The following SYT14 variants were observed in gnomAD, a reference collection of about 807,000 sequenced individuals.
SYT14 encodes the protein synaptotagmin-14.
Under a neutral mutation model 74.2 loss-of-function variants are expected in SYT14, and 32 were observed. The ratio of observed to expected loss-of-function variants is 0.43; its 90% CI spans 0.33 to 0.58. The LOEUF is 0.58. SYT14 is among the 20% of genes least tolerant of loss of function. SYT14 has a pLI of 0.05. For synonymous variants in SYT14, 298 were observed against 337.7 expected (o/e 0.88, Z 1.29); for missense variants, 791 against 981.8 (o/e 0.81, Z 2.60).
intron 5 of SYT14, among the ~76,000 whole-genome samples, chr1:210,031,371 T>C (rs541637537): frequency 1.3e-5 from 2 of 152,234 alleles, no homozygotes; most frequent in South Asian, 2.1e-4. Context: ...CATGGAGATA[T>C]TGGTCTGTAG....
chr1:209,986,479 G>C (rs2079571772), intron 2 of SYT14, among the ~76,000 whole-genome samples: 1 of 152,052 alleles, frequency 6.6e-6, no homozygotes, highest in East Asian at 2.0e-4. Context: ...CGGGCGAGGT[G>C]GCGGGCGCCT....
At chr1:210,071,896 T>C (rs2102447631) in intron 5 of SYT14, among the ~76,000 whole-genome samples, 1 of 152,044 alleles carries the variant, frequency 6.6e-6, no homozygotes, top group Non-Finnish European at 1.5e-5. Context: ...TATTATGGGC[T>C]ATATAATATG....
intron 2 of SYT14, among the ~76,000 whole-genome samples, chr1:209,973,490 C>T (rs897099149): frequency 6.6e-6 from 1 of 152,060 alleles, no homozygotes; most frequent in Non-Finnish European, 1.5e-5. Flanking sequence ...AGATAGTTTG[C>T]TGAGAATGAT....
rs185720532 is a variant in SYT14 at position 209,984,071 on chromosome 1, C to T, written c.-485-29562C>T. Among the ~76,000 whole-genome samples, 592 of 152,344 alleles carry T rather than the reference C, an allele frequency of 3.9e-3. 6 individuals are homozygous for T. Among genetic ancestry groups the T allele is most frequent in the Non-Finnish European group, 2.7e-3 (184 of 68,034 alleles). On this transcript the variant is annotated intron_variant, in intron 2 of 9. Transcript: ENST00000637265. ...TGTATGTGCCATCTGGAAATAGCCA[C>T]TGTTGGCAAAGCCACTGCAGCCTGA... is the stretch of plus-strand genomic sequence containing the variant.
chr1:210,013,957 ATTC>A (rs563334709), intron 3 of SYT14, among the ~76,000 whole-genome samples, 160 bp downstream of exon 3: 42 of 152,286 alleles, frequency 2.8e-4, no homozygotes, highest in Non-Finnish European at 4.7e-4. Context: ...ATGTTCAGGT[ATTC>A]TTCTGTTGTT....
intron 5 of SYT14, among the ~76,000 whole-genome samples, chr1:210,049,677 T>C (rs1463750793): frequency 6.6e-6 from 1 of 152,146 alleles, no homozygotes; most frequent in Non-Finnish European, 1.5e-5. Context: ...AGTGAGAACA[T>C]GTGGTGTTTG....
At chr1:210,074,651 A>T (rs1414310224) in intron 5 of SYT14, among the ~76,000 whole-genome samples, 1 of 152,236 alleles carries the variant, frequency 6.6e-6, no homozygotes, top group African/African-American at 2.4e-5. Flanking sequence ...AAAGCAATAC[A>T]TTTTTTCCCA....
At chr1:210,145,674 C>G (rs961255036) in intron 7 of SYT14, among the ~76,000 whole-genome samples, 8 of 152,154 alleles carry the variant, frequency 5.3e-5, no homozygotes, top group African/African-American at 1.9e-4. Flanking sequence ...TTTCCATCTG[C>G]ATTTTCCACC....
At chr1:210,168,697 G>A (rs2083483485) in exon 10 of SYT14, 1 of 152,132 alleles carries the variant, frequency 6.6e-6, no homozygotes. Context: ...CTGGTTGAAG[G>A]TGGATGGTTT....
chr1:210,066,496 C>T (rs868135942), intron 5 of SYT14, among the ~76,000 whole-genome samples: 20 of 152,288 alleles, frequency 1.3e-4, no homozygotes, highest in Middle Eastern at 3.4e-3. Flanking sequence ...AGCATTTTTT[C>T]ATGTATCTGT....
chr1:210,144,958 C>G (rs1275710250), intron 7 of SYT14, among the ~76,000 whole-genome samples: 1 of 152,036 alleles, frequency 6.6e-6, no homozygotes, highest in African/African-American at 2.4e-5. Flanking sequence ...AGCAGTGACT[C>G]AGATATCTCA....
chr1:209,970,095 T>C (rs1357203216), intron 2 of SYT14, among the ~76,000 whole-genome samples: 1 of 152,192 alleles, frequency 6.6e-6, no homozygotes, highest in Non-Finnish European at 1.5e-5. Flanking sequence ...TATTTTTGTT[T>C]TTGTTGCATT....
At chr1:210,103,723 T>C (rs1177356962) in intron 7 of SYT14, among the ~76,000 whole-genome samples, 3 of 152,164 alleles carry the variant, frequency 2.0e-5, no homozygotes, top group African/African-American at 7.2e-5. Context: ...GGTTTCTCAT[T>C]AGTGAAATCA....
intron 5 of SYT14, among the ~76,000 whole-genome samples, chr1:210,034,422 A>G (rs2080610240): frequency 6.6e-6 from 1 of 151,598 alleles, no homozygotes; most frequent in South Asian, 2.1e-4. Context: ...CAGAAGTTAA[A>G]TTTTATATAA....
At chr1:209,983,903 T>C (rs2079530696) in intron 2 of SYT14, among the ~76,000 whole-genome samples, 1 of 152,220 alleles carries the variant, frequency 6.6e-6, no homozygotes, top group Non-Finnish European at 1.5e-5. Context: ...ATCTATTTAG[T>C]GACCTCCCCA....
At chr1:209,984,995 A>G (rs897723274) in intron 2 of SYT14, among the ~76,000 whole-genome samples, 2 of 152,150 alleles carry the variant, frequency 1.3e-5, no homozygotes. Context: ...CACCTCCAAC[A>G]TTGGGGATTA....
chr1:210,034,268 C>G (rs1400982334), intron 5 of SYT14, among the ~76,000 whole-genome samples: 5 of 151,674 alleles, frequency 3.3e-5, no homozygotes, highest in Non-Finnish European at 5.9e-5. Flanking sequence ...GCCCTCAGAG[C>G]TAATGCACCA....
At chr1:210,107,447 A>C (rs1361700947) in intron 7 of SYT14, among the ~76,000 whole-genome samples, 1 of 152,234 alleles carries the variant, frequency 6.6e-6, no homozygotes, top group Non-Finnish European at 1.5e-5. Flanking sequence ...AACCATACTG[A>C]CATTTGATTG....
chr1:210,088,131 A>T (rs1011686505), intron 5 of SYT14, among the ~76,000 whole-genome samples: 1 of 140,520 alleles, frequency 7.1e-6, no homozygotes, highest in Non-Finnish European at 1.6e-5. Flanking sequence ...TCTGCTCTTT[A>T]TTATTTCATC....
Sources: allele counts gnomAD v4.1 joint callset (sites outside exome capture counted in the v4.1 genomes callset), GRCh38; gene constraint gnomAD v4.1.1; transcripts MANE v1.5; gene names NCBI Gene and HGNC (gene_info 2026-07-23, HGNC 2026-07-21).